Variants in PDE10A observed in about 807,000 individuals in gnomAD.
The protein encoded by PDE10A is phosphodiesterase 10A.
In PDE10A, 39 loss-of-function variants were observed where a neutral mutation model predicts 97.7. The observed-to-expected ratio is 0.40, with a 90% CI of 0.31 to 0.52. The LOEUF is 0.52. Among genes scored for constraint, PDE10A ranks in the 20% least tolerant of loss-of-function variants. The pLI, the probability that PDE10A is intolerant of heterozygous loss-of-function variation, is 0.56. For missense variants in PDE10A, 731 were observed against 1,047.8 expected, an observed-to-expected ratio of 0.70 and a Z score of 4.17; for synonymous variants, 371 against 376.8, an observed-to-expected ratio of 0.98 and a Z score of 0.18.
At chr6:165,537,844 A>G (rs200906199) in intron 2 of PDE10A, among the ~76,000 whole-genome samples, 3 of 152,098 alleles carry the variant, frequency 2.0e-5, no homozygotes, top group East Asian at 3.9e-4. Flanking sequence ...AAAAAATTGA[A>G]GGAAAAAGAG....
At chr6:165,851,120 C>T (rs1465940311) in intron 1 of PDE10A, among the ~76,000 whole-genome samples, 1 of 152,222 alleles carries the variant, frequency 6.6e-6, no homozygotes. Context: ...CTGCCTCTAT[C>T]TCTACCTAAT....
At chr6:165,837,843 A>G (rs1020522658) in intron 1 of PDE10A, among the ~76,000 whole-genome samples, 7 of 151,190 alleles carry the variant, frequency 4.6e-5, no homozygotes, top group African/African-American at 1.7e-4. Context: ...CCGCCACCAC[A>G]CCCGGCTAAT....
chr6:165,435,938 C>T (rs1789983964), intron 5 of PDE10A, among the ~76,000 whole-genome samples: 1 of 152,168 alleles, frequency 6.6e-6, no homozygotes, highest in Non-Finnish European at 1.5e-5. Flanking sequence ...GAGCAAAAAT[C>T]TTGAAAAATC....
intron 1 of PDE10A, among the ~76,000 whole-genome samples, chr6:165,852,142 G>C (rs1020381365): frequency 2.6e-5 from 4 of 152,166 alleles, no homozygotes; most frequent in African/African-American, 9.7e-5. Context: ...CTCACTAGTT[G>C]AGTTCTGGTA....
intron 1 of PDE10A, among the ~76,000 whole-genome samples, chr6:165,563,971 CTCAG>C (rs890646345): frequency 1.3e-5 from 2 of 150,602 alleles, no homozygotes; most frequent in African/African-American, 2.4e-5. Context: ...ACCCATCCTC[CTCAG>C]TCAGTCACCC....
intron 1 of PDE10A, among the ~76,000 whole-genome samples, chr6:165,977,631 G>C (rs1784889365): frequency 6.6e-6 from 1 of 152,128 alleles, no homozygotes; most frequent in South Asian, 2.1e-4. Flanking sequence ...TGAATATAAG[G>C]TTTGTGATAT....
rs1393404781 is a variant in PDE10A at position 165,430,827 on chromosome 6, C to T, written c.1543-482G>A. On this transcript the variant is annotated intron_variant, in intron 8 of 21. Transcript: ENST00000539869. ...TTTCTTCCTAGCATACAGTTCTTCC[C>T]TCATCAACCTCAATTTGCTGAAACA... is the stretch of plus-strand genomic sequence containing the variant. Among the ~76,000 whole-genome samples the T allele has an allele frequency of 3.3e-5, 5 of 152,032 alleles. 1 individual carries two copies. Among genetic ancestry groups the T allele is most frequent in the Non-Finnish European group, 7.4e-5 (5 of 67,996 alleles).
Position 165,777,382 on chromosome 6 carries a change from G to A in PDE10A, c.-615+210147C>T, listed in dbSNP as rs186890991. The stretch of plus-strand genomic sequence containing the variant: ...TGAATGATTCTTCTCCGCTTTGGTC[G>A]TGGTTAGGTTTTCCTATAGGACCCT... On this transcript the variant is annotated intron_variant, in intron 1 of 19. Transcript: ENST00000366882. Among the ~76,000 whole-genome samples the A allele has an allele frequency of 3.9e-5, 6 of 152,356 alleles. No homozygotes were observed. The South Asian group carries it at 6.2e-4, about 16-fold the overall frequency.
intron 1 of PDE10A, among the ~76,000 whole-genome samples, chr6:165,878,079 T>C (rs1781390952): frequency 6.6e-6 from 1 of 152,198 alleles, no homozygotes; most frequent in Non-Finnish European, 1.5e-5. Context: ...CATTTAAAGA[T>C]ACTTAGCAGA....
At chr6:165,477,687 T>G (rs1010838163) in intron 3 of PDE10A, among the ~76,000 whole-genome samples, 3 of 152,132 alleles carry the variant, frequency 2.0e-5, no homozygotes, top group African/African-American at 7.2e-5. Context: ...GAAAGCAGCT[T>G]GGAAAAAACA....
chr6:165,818,740 C>T (rs932612072), intron 1 of PDE10A, among the ~76,000 whole-genome samples: 4 of 152,122 alleles, frequency 2.6e-5, no homozygotes, highest in Admixed American at 6.5e-5. Context: ...AAAGGGCTTC[C>T]GAAGGTGATT....
chr6:165,682,105 AG>A (rs1790993128), intron 1 of PDE10A, among the ~76,000 whole-genome samples: 1 of 152,114 alleles, frequency 6.6e-6, no homozygotes, highest in African/African-American at 2.4e-5. Context: ...TTGAGACTGA[AG>A]GTTTTTATTC....
intron 1 of PDE10A, among the ~76,000 whole-genome samples, chr6:165,889,199 T>C (rs983061413): frequency 3.9e-5 from 6 of 152,198 alleles, no homozygotes; most frequent in African/African-American, 1.4e-4. Context: ...CCCCTTGGGA[T>C]TGATATCATG....
rs186176149 is a variant in PDE10A, at chr6:165,401,749, G to A, written c.2077-5290C>T. Among the ~76,000 whole-genome samples the A allele has an allele frequency of 2.6e-5, 4 of 152,238 alleles. 1 individual carries two copies. Among genetic ancestry groups the A allele is most frequent in the Admixed American group, 2.0e-4 (3 of 15,286 alleles). On this transcript the variant is annotated intron_variant, in intron 13 of 21. Coordinates refer to ENST00000539869, the MANE Select transcript of PDE10A (RefSeq NM_001385079.1). ...CTCTGTGAGAGGAGACTGCTTCCTG[G>A]ACAAGACATGACCTTCTAGTGCATG... is the stretch of plus-strand genomic sequence containing the variant.
intron 1 of PDE10A, among the ~76,000 whole-genome samples, chr6:165,918,820 G>A (rs1782675912): frequency 6.6e-6 from 1 of 151,840 alleles, no homozygotes; most frequent in Admixed American, 6.6e-5. Context: ...TGGACCCCTG[G>A]GAAGTTAATA....
chr6:165,482,015 C>G (rs1779632371), intron 3 of PDE10A, among the ~76,000 whole-genome samples: 2 of 152,140 alleles, frequency 1.3e-5, no homozygotes, highest in Non-Finnish European at 2.9e-5. Flanking sequence ...TCAAGGGAAG[C>G]CAGAAATCCA....
At chr6:165,659,297 A>G (rs190837007) in intron 1 of PDE10A, among the ~76,000 whole-genome samples, 1 of 152,232 alleles carries the variant, frequency 6.6e-6, no homozygotes, top group Admixed American at 6.5e-5. Flanking sequence ...AAAAGGAATG[A>G]CACTCAACAA....
intron 1 of PDE10A, among the ~76,000 whole-genome samples, chr6:165,604,518 T>TAAAAA (rs34272357): frequency 1.5e-4 from 20 of 137,790 alleles, no homozygotes; most frequent in Non-Finnish European, 2.6e-4. Context: ...CTCTCTTTGT[T>TAAAAA]AAAAAAAAAA....
At chr6:165,380,861 C>T (rs1226809045) in intron 17 of PDE10A, among the ~76,000 whole-genome samples, 1 of 152,180 alleles carries the variant, frequency 6.6e-6, no homozygotes, top group African/African-American at 2.4e-5. Context: ...TTTGAAGTGA[C>T]CGTAACTCAC....
Sources: gnomAD v4.1 joint callset for allele counts (sites outside exome capture counted in the v4.1 genomes callset) on GRCh38, gnomAD v4.1.1 for gene constraint, MANE v1.5 for transcripts, NCBI Gene and HGNC (gene_info 2026-07-23, HGNC 2026-07-21) for gene names.